PHLDB3: variants seen among roughly 807,000 people sequenced by gnomAD.
PHLDB3 encodes the protein pleckstrin homology-like domain family B member 3.
Under a neutral mutation model 85.7 loss-of-function variants are expected in PHLDB3, and 86 were observed. The ratio of observed to expected loss-of-function variants is 1.00; its 90% CI spans 0.84 to 1.20. PHLDB3 has a LOEUF of 1.20. Ranked by LOEUF, PHLDB3 falls within the 50% of genes most tolerant of loss-of-function variation. The pLI, the probability that PHLDB3 is intolerant of heterozygous loss-of-function variation, is 0.00. For missense variants in PHLDB3, 995 were observed against 873.0 expected, an observed-to-expected ratio of 1.14 and a Z score of -1.76; for synonymous variants, 376 against 349.8, an observed-to-expected ratio of 1.07 and a Z score of -0.83.
At chr19:43,486,992 G>C (rs1291445965) in intron 10 of PHLDB3, 32 bp downstream of exon 10, 1 of 1,509,354 alleles carries the variant, frequency 6.6e-7, no homozygotes. Context: ...GTGCTGATGT[G>C]GGAAGGAAGT....
intron 9 of PHLDB3, among the ~76,000 whole-genome samples, chr19:43,489,868 G>T (rs375934716): frequency 6.6e-6 from 1 of 151,854 alleles, no homozygotes; most frequent in Non-Finnish European, 1.5e-5. Flanking sequence ...TAAGCTGGGC[G>T]TGGTGGTGGG....
intron 15 of PHLDB3, among the ~76,000 whole-genome samples, chr19:43,477,807 TAA>T (rs372039420): frequency 1.6e-4 from 22 of 140,094 alleles, no homozygotes; most frequent in Admixed American, 2.1e-4. Context: ...GACTCTGTCT[TAA>T]AAAAAAAAAA....
rs753848731 is a variant in PHLDB3, at chr19:43,504,092, C to T, written c.27G>A (p.Glu9=). 2.5e-6 allele frequency: 4 copies of T among 1,607,450 alleles called. No individual in the cohort carries two copies. In the Admixed American group the frequency reaches 5.1e-5, roughly 20 times the overall value. Residue 9 remains glutamate, a synonymous_variant, in exon 2 of 16, where the codon GAG becomes GAA. Coordinates refer to ENST00000292140, the MANE Select transcript of PHLDB3 (RefSeq NM_198850.4). Reference sequence around the variant, plus strand: ...CCGGGACCAGCGGCGGCGGGGTCCCCTCCTCGGGGCTGCTTCGCGTCCCCA... The same window carrying T: ...CCGGGACCAGCGGCGGCGGGGTCCCTTCCTCGGGGCTGCTTCGCGTCCCCA... MGTRSSPE[E]GTPPPLVPEC...
At chr19:43,480,066 C>T (rs1334956688) in intron 13 of PHLDB3, among the ~76,000 whole-genome samples, 1 of 150,538 alleles carries the variant, frequency 6.6e-6, no homozygotes, top group Admixed American at 6.6e-5. Context: ...CCTAAGAATT[C>T]AAGGGCAGCC....
intron 13 of PHLDB3, among the ~76,000 whole-genome samples, chr19:43,485,484 T>G (rs1362432761): frequency 6.6e-6 from 1 of 151,998 alleles, no homozygotes; most frequent in East Asian, 1.9e-4. Flanking sequence ...GTGCTGGGAT[T>G]ACAGGCGTGA....
At position 43,502,258 on chromosome 19, in the gene PHLDB3, A is replaced by G; in HGVS notation, c.239T>C (p.Met80Thr). 1 of 1,564,016 alleles carries G rather than the reference A, an allele frequency of 6.4e-7. No individual in the cohort carries two copies. Among genetic ancestry groups the G allele is most frequent in the Admixed American group, 1.9e-5 (1 of 53,090 alleles). ...GGTGGATGCGGGAGGTGTGGCCGCC[A>G]TAGCTATCGGAGGCGTAGCCTCGGG... ...DAPEATPPIA[M>T]AATPPASTSS... is the part of the protein sequence containing the mutation. The change falls in exon 3 of 16, where the codon ATG becomes ACG. Residue 80 changes from methionine (M) to threonine (T), a missense_variant. Transcript: ENST00000292140.
intron 15 of PHLDB3, among the ~76,000 whole-genome samples, chr19:43,477,835 CA>C (rs928798957): frequency 3.6e-4 from 54 of 151,726 alleles, no homozygotes; most frequent in African/African-American, 1.3e-3. Flanking sequence ...AGAAAATTAA[CA>C]GTGGCTGAAG....
chr19:43,495,833 G>T (rs1235819562), intron 6 of PHLDB3: 1 of 596,632 alleles, frequency 1.7e-6, no homozygotes, highest in Non-Finnish European at 2.8e-6. Context: ...AAGAGAAAGG[G>T]ATGGACAGAG....
In PHLDB3 at chr19:43,497,821, A is replaced by G. The variant is rs775064440; in HGVS notation, c.590T>C (p.Leu197Pro). The change falls in exon 5 of 16, where the codon CTC (leucine) becomes CCC (proline). Residue 197 changes from leucine to proline, a missense_variant. By Grantham distance (98) the Leu-to-Pro change is moderately conservative (BLOSUM62 -3). Transcript: ENST00000292140. Reference sequence around the variant, plus strand: ...GTCGAGCTGTCCCTGGGCCTTGCGGAGTCTCTGGCGAAGACCCTCTAGGCG... The same window carrying G: ...GTCGAGCTGTCCCTGGGCCTTGCGGGGTCTCTGGCGAAGACCCTCTAGGCG... The part of the protein sequence containing the change: ...RDRLEGLRQR[L>P]RKAQGQLDSQ... 2.0e-5 allele frequency: 32 copies of G among 1,567,356 alleles called. No individual in the cohort carries two copies. Among genetic ancestry groups the G allele is most frequent in the Non-Finnish European group, 2.5e-5 (29 of 1,156,298 alleles).
Position 43,475,160 on chromosome 19 carries a change from T to G in PHLDB3, c.*250A>C, listed in dbSNP as rs992133702. On this transcript the variant is annotated 3_prime_UTR_variant, in exon 16 of 16. Transcript: ENST00000292140. The stretch of plus-strand genomic sequence containing the variant: ...CACAGGAGCACCAATAAATAGTTTC[T>G]TCCCGCCCCTGCAATCTTCCTCCTG... The G allele has an allele frequency of 1.3e-5, 6 of 479,156 alleles. No homozygotes were observed. The highest frequency in any genetic ancestry group is 3.9e-5 in the African/African-American group (2 of 50,910). The allele number at this position is 479,156 out of a possible 1,614,324, so 29.7% of individuals were successfully genotyped here.
intron 14 of PHLDB3, among the ~76,000 whole-genome samples, chr19:43,478,940 C>CA (rs1272495324): frequency 5.4e-5 from 8 of 147,746 alleles, no homozygotes; most frequent in East Asian, 4.4e-4. Flanking sequence ...AAAACAAAAA[C>CA]AAAAAAAAGT....
intron 2 of PHLDB3, 95 bp downstream of exon 2, chr19:43,503,811 C>G: frequency 2.8e-6 from 4 of 1,439,958 alleles, no homozygotes; most frequent in South Asian, 1.2e-5. Context: ...GGGTCTCTGT[C>G]TTTCTGGTTT....
intron 15 of PHLDB3, among the ~76,000 whole-genome samples, 187 bp from the exon 16 acceptor site, chr19:43,475,731 A>C (rs1293894348): frequency 6.6e-6 from 1 of 152,212 alleles, no homozygotes; most frequent in Non-Finnish European, 1.5e-5. Flanking sequence ...TAAATGAATT[A>C]ACACAAGGAA....
Position 43,475,202 on chromosome 19 carries a change from A to G in PHLDB3, c.*208T>C. 1.6e-6 allele frequency: 1 copy of G among 610,476 alleles called. No individual in the cohort carries two copies. Among genetic ancestry groups the G allele is most frequent in the Non-Finnish European group, 2.8e-6 (1 of 361,032 alleles). 37.8% of individuals were successfully genotyped at this position (610,476 alleles called of 1,614,324 possible). A position where few individuals can be genotyped will look rare whatever the true frequency, so the allele number is the denominator to read the frequency against. On this transcript the variant is annotated 3_prime_UTR_variant, in exon 16 of 16. Coordinates refer to ENST00000292140, the MANE Select transcript of PHLDB3 (RefSeq NM_198850.4). Reference sequence around the variant, plus strand: ...TTCCTCCTGCCCCGGGCAGGGCCTTAGGGGCCGGCGATCCCGTCGGGGGCA... The same window carrying G: ...TTCCTCCTGCCCCGGGCAGGGCCTTGGGGGCCGGCGATCCCGTCGGGGGCA...
rs1970901033 is a variant in PHLDB3, at chr19:43,475,350, C to T, written c.*60G>A. 5 of 1,591,360 alleles carry T rather than the reference C, an allele frequency of 3.1e-6. No individual in the cohort carries two copies. The highest frequency in any genetic ancestry group is 1.3e-5 in the African/African-American group (1 of 74,286). ...CGGCAGTGGGCGGGGCCTAGGAACG[C>T]CCCCGCGCCCCGCGCCGGCGGAGCC... is the stretch of plus-strand genomic sequence containing the variant. On this transcript the variant is annotated 3_prime_UTR_variant, in exon 16 of 16. Coordinates refer to ENST00000292140, the MANE Select transcript of PHLDB3 (RefSeq NM_198850.4).
At chr19:43,487,885 G>A (rs1033251461) in intron 9 of PHLDB3, among the ~76,000 whole-genome samples, 1 of 152,108 alleles carries the variant, frequency 6.6e-6, no homozygotes, top group African/African-American at 2.4e-5. Context: ...CAGGTGTGGT[G>A]GCTCACACCT....
chr19:43,491,668 A>T (rs1599948168), intron 9 of PHLDB3, among the ~76,000 whole-genome samples: 1 of 139,012 alleles, frequency 7.2e-6, no homozygotes. Context: ...CACCCAGCTA[A>T]TTTTTTTTTT....
Position 43,495,261 on chromosome 19 carries a change from T to C in PHLDB3, c.1030A>G (p.Thr344Ala). The change falls in exon 8 of 16, where the codon ACT becomes GCT. Residue 344 changes from threonine (T) to alanine (A), a missense_variant. Physicochemically the swap from Thr to Ala is moderately conservative, Grantham distance 58. Transcript: ENST00000292140. ...GGCATACAAAATCCCCATACCTTAG[T>C]GAGGGCCGGGTTGGGCTCAGAGAAG... ...GDFSEPNPAL[T>A]KLLFTQKTDR... 1.2e-6 allele frequency: 2 copies of C among 1,613,642 alleles called. No individual in the cohort carries two copies. The highest frequency in any genetic ancestry group is 1.7e-6 in the Non-Finnish European group (2 of 1,179,744).
intron 4 of PHLDB3, among the ~76,000 whole-genome samples, chr19:43,500,775 C>T (rs965436539): frequency 6.6e-6 from 1 of 152,222 alleles, no homozygotes; most frequent in Admixed American, 6.5e-5. Flanking sequence ...TCTGAGGCCA[C>T]AGGCACATGC....
Sources: gnomAD v4.1 joint callset for allele counts (sites outside exome capture counted in the v4.1 genomes callset) on GRCh38, gnomAD v4.1.1 for gene constraint, MANE v1.5 for transcripts, NCBI Gene and HGNC (gene_info 2026-07-23, HGNC 2026-07-21) for gene names.